TBC1D32: variants seen among roughly 807,000 people sequenced by gnomAD.
The protein encoded by TBC1D32 is TBC1 domain family member 32, also known as protein broad-minded.
In TBC1D32, 151 loss-of-function variants were observed where a neutral mutation model predicts 170.3. That is an observed-to-expected ratio of 0.89 (90% CI 0.78 to 1.01). The LOEUF is 1.01. Among genes scored for constraint, TBC1D32 ranks in the 50% least tolerant of loss-of-function variants. The probability of loss-of-function intolerance (pLI) is 0.00; values close to 1 mark genes in which losing one functional copy is unlikely to be tolerated. For missense variants in TBC1D32, 1,464 were observed against 1,457.1 expected, an observed-to-expected ratio of 1.00 and a Z score of -0.08; for synonymous variants, 498 against 488.0, an observed-to-expected ratio of 1.02 and a Z score of -0.27.
At chr6:121,220,094 T>TACAAA (rs1197608488) in intron 21 of TBC1D32, among the ~76,000 whole-genome samples, 3 of 152,288 alleles carry the variant, frequency 2.0e-5, no homozygotes, top group African/African-American at 7.2e-5. Flanking sequence ...TTAGTAACCT[T>TACAAA]ACAAAACCTC....
chr6:121,253,223 C>G (rs564006786), intron 17 of TBC1D32, among the ~76,000 whole-genome samples: 2 of 152,078 alleles, frequency 1.3e-5, no homozygotes. Context: ...GACTAATTTC[C>G]AGAATCTACA....
chr6:121,173,974 A>G (rs1161916698), intron 22 of TBC1D32, among the ~76,000 whole-genome samples: 1 of 152,108 alleles, frequency 6.6e-6, no homozygotes, highest in African/African-American at 2.4e-5. Context: ...AGTTGCCTTT[A>G]AATATTAAAC....
chr6:121,084,302 T>A (rs1582688669), intron 31 of TBC1D32, among the ~76,000 whole-genome samples: 1 of 152,148 alleles, frequency 6.6e-6, no homozygotes, highest in Non-Finnish European at 1.5e-5. Flanking sequence ...AATAGGTTAA[T>A]AAGTCCATGA....
chr6:121,256,130 A>G lies in TBC1D32; in HGVS notation c.1889T>C (p.Leu630Ser), dbSNP rs747692273. Reference protein sequence around the residue: ...IYSTCEGLQVLITYNLHESIA... With the variant: ...IYSTCEGLQVSITYNLHESIA... ...AGATTCATGCAAATTATAAGTGATT[A>G]ACACCTGCAAACCTTCACATGTACT... The change falls in exon 16 of 32, where the codon TTA becomes TCA. Residue 630 changes from leucine to serine, a missense_variant. Physicochemically the swap from Leu to Ser is moderately radical, Grantham distance 145. Around this residue, in one of 3 missense-constraint regions of TBC1D32, gnomAD observed 1,363 missense variants for 1,338.1 expected, o/e 1.02. Transcript: ENST00000398212. The G allele has an allele frequency of 6.2e-7, 1 of 1,613,974 alleles. No homozygotes were observed. The highest frequency in any genetic ancestry group is 8.5e-7 in the Non-Finnish European group (1 of 1,179,974).
intron 30 of TBC1D32, among the ~76,000 whole-genome samples, chr6:121,105,536 T>A (rs1778590368): frequency 6.6e-6 from 1 of 151,844 alleles, no homozygotes; most frequent in African/African-American, 2.4e-5. Flanking sequence ...GAAAGAAGGA[T>A]CTGTGGCTGT....
chr6:121,317,065 A>C (rs1158091386), intron 3 of TBC1D32, among the ~76,000 whole-genome samples: 2 of 152,134 alleles, frequency 1.3e-5, no homozygotes, highest in Non-Finnish European at 2.9e-5. Flanking sequence ...CTTGACATTA[A>C]AAAAAGCTTA....
At chr6:121,259,498 C>T (rs1426212710) in intron 15 of TBC1D32, among the ~76,000 whole-genome samples, 2 of 152,004 alleles carry the variant, frequency 1.3e-5, no homozygotes, top group Admixed American at 6.6e-5. Flanking sequence ...TTGATAAAGA[C>T]CTCTAGTGAA....
At chr6:121,320,489 T>G (rs1809567328) in intron 2 of TBC1D32, among the ~76,000 whole-genome samples, 1 of 152,108 alleles carries the variant, frequency 6.6e-6, no homozygotes, top group Non-Finnish European at 1.5e-5. Flanking sequence ...TATTTTAGTA[T>G]TCCTTCTAGA....
At chr6:121,141,732 T>A (rs1259711343) in intron 24 of TBC1D32, among the ~76,000 whole-genome samples, 1 of 151,220 alleles carries the variant, frequency 6.6e-6, no homozygotes, top group Non-Finnish European at 1.5e-5. Context: ...AGAAATGAAA[T>A]GCATGTTCAC....
At chr6:121,221,834 C>T (rs1000230894) in intron 21 of TBC1D32, among the ~76,000 whole-genome samples, 1 of 152,206 alleles carries the variant, frequency 6.6e-6, no homozygotes, top group East Asian at 1.9e-4. Context: ...GTTGAAATAA[C>T]AACAAAGGAC....
At position 121,241,534 on chromosome 6, in the gene TBC1D32, AT is replaced by A; in HGVS notation, c.2175del (p.Lys725AsnfsTer21). 5.0e-6 allele frequency: 8 copies of A among 1,613,472 alleles called. No individual in the cohort carries two copies. Among genetic ancestry groups the A allele is most frequent in the Non-Finnish European group, 6.8e-6 (8 of 1,179,706 alleles). ...CGTGTAACCAAAACTCCATAGCCAAATTTTTTATGCCTGCTGACCTAACAGC... is the reference window on the plus strand; with the variant it reads ...CGTGTAACCAAAACTCCATAGCCAAATTTTTATGCCTGCTGACCTAACAGC... ...AKKLQVSRHK[K>X]FGYGVLVTRV... On this transcript the variant is annotated frameshift_variant, in exon 19 of 32. Transcript: ENST00000398212. LOFTEE classifies it high-confidence loss of function.
rs3076854 is a variant in TBC1D32 at position 121,212,450 on chromosome 6, C to CTT, written c.2482-7289_2482-7288dup. Reference sequence around the variant, plus strand: ...CAAAAAAAACTTCAGGTCAATATCTCTTTTTTTTTTTTTTTTTTTTTGAGA... The same window carrying CTT: ...CAAAAAAAACTTCAGGTCAATATCTCTTTTTTTTTTTTTTTTTTTTTTTGAGA... On this transcript the variant is annotated intron_variant, in intron 21 of 31. Coordinates refer to ENST00000398212, the MANE Select transcript of TBC1D32 (RefSeq NM_152730.6). Among the ~76,000 whole-genome samples, 63 of 102,084 alleles carry CTT rather than the reference C, an allele frequency of 6.2e-4. 1 individual carries two copies. Among genetic ancestry groups the CTT allele is most frequent in the Admixed American group, 2.1e-3 (18 of 8,588 alleles). 67.0% of individuals were successfully genotyped at this position (102,084 alleles called of 152,430 possible).
At chr6:121,180,404 C>T (rs1325739747) in intron 22 of TBC1D32, among the ~76,000 whole-genome samples, 1 of 152,074 alleles carries the variant, frequency 6.6e-6, no homozygotes, top group Non-Finnish European at 1.5e-5. Flanking sequence ...GTCAGACACA[C>T]AGACCAACGG....
At chr6:121,170,587 C>T (rs1583057644) in intron 22 of TBC1D32, 13 of 1,307,242 alleles carry the variant, frequency 9.9e-6, no homozygotes, top group Non-Finnish European at 1.3e-5. Flanking sequence ...AGCATAATTA[C>T]ATCCTTGATG....
intron 30 of TBC1D32, among the ~76,000 whole-genome samples, chr6:121,097,435 T>C (rs544958224): frequency 6.6e-6 from 1 of 152,078 alleles, no homozygotes; most frequent in East Asian, 1.9e-4. Context: ...AACAAACATA[T>C]GAAAAAAAGT....
intron 21 of TBC1D32, among the ~76,000 whole-genome samples, chr6:121,218,497 G>A (rs1178933667): frequency 1.3e-4 from 20 of 152,100 alleles, no homozygotes; most frequent in Admixed American, 1.3e-3. Flanking sequence ...TGCCAAAGGA[G>A]ATTAACATTT....
At chr6:121,103,919 G>A (rs1313065604) in intron 30 of TBC1D32, among the ~76,000 whole-genome samples, 1 of 151,746 alleles carries the variant, frequency 6.6e-6, no homozygotes, top group East Asian at 1.9e-4. Flanking sequence ...AACTGCCTCT[G>A]ACTAGACTTA....
intron 12 of TBC1D32, among the ~76,000 whole-genome samples, chr6:121,291,480 A>G (rs1288653576): frequency 5.3e-5 from 8 of 152,198 alleles, no homozygotes. Flanking sequence ...GCCATATACT[A>G]TATTCTTAGT....
chr6:121,082,419 C>T (rs1775731590), intron 31 of TBC1D32, among the ~76,000 whole-genome samples: 1 of 151,902 alleles, frequency 6.6e-6, no homozygotes, highest in Admixed American at 6.6e-5. Flanking sequence ...TGAATTTATC[C>T]ATTCATTTCA....
Sources: gnomAD v4.1 joint callset for allele counts (sites outside exome capture counted in the v4.1 genomes callset) on GRCh38, gnomAD v4.1.1 for gene constraint, gnomAD v4.1.1 regional missense constraint, MANE v1.5 for transcripts, NCBI Gene and HGNC (gene_info 2026-07-23, HGNC 2026-07-21) for gene names.